PATJ: variants seen among roughly 807,000 people sequenced by gnomAD.
PATJ encodes the protein inaD-like protein.
PATJ carries 190 observed loss-of-function variants against 224.9 expected under a neutral mutation model. That is an observed-to-expected ratio of 0.84 (90% CI 0.75 to 0.95). PATJ has a LOEUF of 0.95. Among genes scored for constraint, PATJ ranks in the 40% least tolerant of loss-of-function variants. The pLI is 0.00. For synonymous variants in PATJ, 769 were observed against 820.3 expected, an observed-to-expected ratio of 0.94 and a Z score of 1.07; for missense variants, 2,121 against 2,270.3, an observed-to-expected ratio of 0.93 and a Z score of 1.34.
At chr1:62,009,822 C>T (rs556103143) in intron 28 of PATJ, among the ~76,000 whole-genome samples, 16 of 152,062 alleles carry the variant, frequency 1.1e-4, no homozygotes, top group Non-Finnish European at 2.4e-4. Flanking sequence ...TGGTGGCTCA[C>T]GCCTGTAATC....
intron 3 of PATJ, 58 bp from the exon 4 acceptor site, chr1:61,766,221 T>C (rs1646261936): frequency 8.3e-6 from 10 of 1,201,712 alleles, no homozygotes; most frequent in Non-Finnish European, 1.2e-5. Flanking sequence ...ATATATTTAA[T>C]AAATAGAAAC....
chr1:61,945,846 C>G (rs1164341059), intron 27 of PATJ, among the ~76,000 whole-genome samples: 1 of 152,134 alleles, frequency 6.6e-6, no homozygotes, highest in South Asian at 2.1e-4. Context: ...TGCAAAAGAA[C>G]AGAAATCATA....
rs150650432 is a variant in PATJ, at chr1:62,160,188, G to A, written c.5503-720G>A. On this transcript the variant is annotated intron_variant, in intron 43 of 43. Coordinates refer to ENST00000642238, the MANE Select transcript of PATJ (RefSeq NM_001350145.3). ...AGTCCAAAATGTTTCTAGTAATATCGTGGCATTTTTAGATATGCAGCTTTA... is the reference window on the plus strand; with the variant it reads ...AGTCCAAAATGTTTCTAGTAATATCATGGCATTTTTAGATATGCAGCTTTA... 4.8e-3 allele frequency among the ~76,000 whole-genome samples: 734 copies of A among 151,930 alleles called. 1 individual carries two copies. The highest frequency in any genetic ancestry group is 6.0e-3 in the Admixed American group (92 of 15,232).
chr1:61,914,550 C>A (rs762128887), intron 25 of PATJ, 37 bp from the exon 26 acceptor site: 1 of 1,005,852 alleles, frequency 9.9e-7, no homozygotes, highest in Non-Finnish European at 1.5e-6. Context: ...GTCGTTTAAA[C>A]GTTTTCTTCC....
At chr1:61,988,994 G>GC (rs1644917098) in intron 27 of PATJ, among the ~76,000 whole-genome samples, 1 of 152,168 alleles carries the variant, frequency 6.6e-6, no homozygotes, top group South Asian at 2.1e-4. Context: ...ATTGCTTCCA[G>GC]CCATGGTAGT....
chr1:61,785,187 A>T lies in PATJ; in HGVS notation c.850-2567A>T, dbSNP rs555457730. Among the ~76,000 whole-genome samples the T allele has an allele frequency of 6.6e-5, 10 of 152,276 alleles. No homozygotes were observed. In the South Asian group the frequency reaches 2.1e-3, roughly 32 times the overall value. On this transcript the variant is annotated intron_variant, in intron 7 of 43. Coordinates refer to ENST00000642238, the MANE Select transcript of PATJ (RefSeq NM_001350145.3). Reference sequence around the variant, plus strand: ...TGGAACTAGGAATTTGAAGCTCAGAACTGGATTAACCCAGTAGTCATTGCT... The same window carrying T: ...TGGAACTAGGAATTTGAAGCTCAGATCTGGATTAACCCAGTAGTCATTGCT...
chr1:62,043,423 C>T (rs1651897820), intron 30 of PATJ, among the ~76,000 whole-genome samples: 1 of 152,134 alleles, frequency 6.6e-6, no homozygotes, highest in African/African-American at 2.4e-5. Flanking sequence ...GCTCTATAAA[C>T]TTCAATTCCT....
rs1663589861 is a variant in PATJ at position 62,109,912 on chromosome 1, AT to A, written c.4461+1399del. Among the ~76,000 whole-genome samples the A allele has an allele frequency of 5.3e-5, 8 of 152,254 alleles. No homozygotes were observed. The South Asian group carries it at 1.2e-3, about 24-fold the overall frequency. On this transcript the variant is annotated intron_variant, in intron 34 of 43. Transcript: ENST00000642238. ...TTATATCAATTATACCTCAATAAGG[AT>A]TTTTTTAAACTATTTCTGTTTGTAT...
chr1:61,913,768 T>A (rs947879975), intron 25 of PATJ, among the ~76,000 whole-genome samples: 1 of 152,204 alleles, frequency 6.6e-6, no homozygotes, highest in Non-Finnish European at 1.5e-5. Flanking sequence ...GATAGTGGAA[T>A]ATTGAGTACA....
chr1:62,022,418 C>T (rs1429605643), intron 29 of PATJ, among the ~76,000 whole-genome samples: 1 of 152,136 alleles, frequency 6.6e-6, no homozygotes, highest in African/African-American at 2.4e-5. Context: ...CTAAATTATT[C>T]AACTCTGGAT....
intron 20 of PATJ, among the ~76,000 whole-genome samples, chr1:61,871,459 A>ATATATATGGATATACATATATATGCG (rs1666482605): frequency 1.8e-5 from 1 of 56,002 alleles, no homozygotes. Flanking sequence ...ATATATGCGT[A>ATATATATGGATATACATATATATGCG]TATATATGTA....
At chr1:61,792,786 T>G (rs1650171570) in intron 9 of PATJ, among the ~76,000 whole-genome samples, 1 of 152,178 alleles carries the variant, frequency 6.6e-6, no homozygotes, top group Non-Finnish European at 1.5e-5. Flanking sequence ...TGCCTCGGCC[T>G]CCCATAGTGC....
intron 27 of PATJ, among the ~76,000 whole-genome samples, chr1:61,979,784 G>A (rs1038835879): frequency 6.6e-6 from 1 of 151,996 alleles, no homozygotes; most frequent in Non-Finnish European, 1.5e-5. Context: ...TTAAACCAAA[G>A]AAGTAAATAG....
At chr1:61,963,399 A>T (rs1031584316) in intron 27 of PATJ, among the ~76,000 whole-genome samples, 6 of 152,242 alleles carry the variant, frequency 3.9e-5, no homozygotes, top group Non-Finnish European at 7.4e-5. Context: ...GTTTGAGACC[A>T]GCCTGGCCAG....
chr1:61,937,633 C>T (rs901710609), intron 27 of PATJ, among the ~76,000 whole-genome samples: 4 of 147,378 alleles, frequency 2.7e-5, no homozygotes, highest in South Asian at 2.1e-4. Flanking sequence ...AAGATAATGA[C>T]GAGGGACTTT....
intron 27 of PATJ, among the ~76,000 whole-genome samples, chr1:61,945,095 A>G (rs907818320): frequency 1.3e-5 from 2 of 152,374 alleles, no homozygotes; most frequent in Non-Finnish European, 1.5e-5. Flanking sequence ...ATGGAAAGTA[A>G]CAACCGATAC....
chr1:62,162,887 C>T lies in PATJ; in HGVS notation c.*1833C>T. ...GCTTGAACCTGGGAGGTGGAGGTTG[C>T]AGTGAGCCAAGTTCGTGCCACTCCA... On this transcript the variant is annotated 3_prime_UTR_variant, in exon 44 of 44. Coordinates refer to ENST00000642238, the MANE Select transcript of PATJ (RefSeq NM_001350145.3). 5.9e-6 allele frequency: 2 copies of T among 340,894 alleles called. No homozygotes were observed. Among genetic ancestry groups the T allele is most frequent in the Admixed American group, 4.4e-5 (1 of 22,474 alleles). 21.1% of individuals were successfully genotyped at this position (340,894 alleles called of 1,614,324 possible).
intron 31 of PATJ, among the ~76,000 whole-genome samples, chr1:62,052,921 C>A (rs1295542314): frequency 6.6e-6 from 1 of 152,172 alleles, no homozygotes; most frequent in Non-Finnish European, 1.5e-5. Flanking sequence ...TCTCCATAGT[C>A]AGGTTAGGGG....
intron 28 of PATJ, among the ~76,000 whole-genome samples, chr1:62,008,769 A>C (rs993825106): frequency 6.6e-6 from 1 of 152,180 alleles, no homozygotes; most frequent in Admixed American, 6.5e-5. Flanking sequence ...AAATAAATAA[A>C]TAAGTAATTG....
Sources: gnomAD v4.1 joint callset for allele counts (sites outside exome capture counted in the v4.1 genomes callset) on GRCh38, gnomAD v4.1.1 for gene constraint, MANE v1.5 for transcripts, NCBI Gene and HGNC (gene_info 2026-07-23, HGNC 2026-07-21) for gene names.